Variants in NAAA observed in about 807,000 individuals in gnomAD.
The protein encoded by NAAA is N-acylethanolamine acid amidase, also known as N-acylethanolamine-hydrolyzing acid amidase.
Under a neutral mutation model 44.8 loss-of-function variants are expected in NAAA, and 39 were observed. That is an observed-to-expected ratio of 0.87 (90% confidence interval 0.67 to 1.14). The LOEUF (loss-of-function observed/expected upper bound fraction) is 1.14, where lower values mean the gene tolerates loss of function less well. Among genes scored for constraint, NAAA ranks in the 50% most tolerant of loss-of-function variants. The pLI, the probability that NAAA is intolerant of heterozygous loss-of-function variation, is 0.00. For synonymous variants in NAAA, 178 were observed against 191.3 expected (o/e 0.93, Z 0.58); for missense variants, 460 against 467.8 (o/e 0.98, Z 0.15).
At chr4:75,915,907 A>G (rs1244613404) in intron 9 of NAAA, among the ~76,000 whole-genome samples, 1 of 152,228 alleles carries the variant, frequency 6.6e-6, no homozygotes, top group African/African-American at 2.4e-5. Context: ...GTTGAGGTGC[A>G]TGTGCAAAAT....
chr4:75,927,998 A>G (rs1209535776), intron 4 of NAAA, among the ~76,000 whole-genome samples: 1 of 152,182 alleles, frequency 6.6e-6, no homozygotes, highest in Non-Finnish European at 1.5e-5. Context: ...ATCAATAACA[A>G]AATTAATTTT....
At chr4:75,910,849 T>C (rs1269934055), downstream of NAAA, among the ~76,000 whole-genome samples, 3 of 152,206 alleles carry the variant, frequency 2.0e-5, no homozygotes, top group Non-Finnish European at 2.9e-5. Flanking sequence ...ATAGGCTTCA[T>C]GTGAGCAATA....
Position 75,940,879 on chromosome 4 carries a change from C to T in NAAA, c.71G>A (p.Gly24Glu). ...SLLLLLLAGA[G>E]LSAASPPAAP... ...TGCTGGGGGCGAGGCGGCTGACAGC[C>T]CGGCCCCGGCCAGCAGCAGCAGCAG... The change falls in exon 1 of 11, where the codon GGG becomes GAG. Residue 24 changes from glycine (G) to glutamate (E), a missense_variant. Transcript: ENST00000286733. 2 of 1,560,690 alleles carry T rather than the reference C, an allele frequency of 1.3e-6. No homozygotes were observed. The highest frequency in any genetic ancestry group is 1.7e-6 in the Non-Finnish European group (2 of 1,163,672).
chr4:75,925,226 A>G (rs910751609), intron 5 of NAAA, among the ~76,000 whole-genome samples: 6 of 152,112 alleles, frequency 3.9e-5, no homozygotes, highest in Non-Finnish European at 8.8e-5. Context: ...AAGTAGAGAC[A>G]GGGTTTCACT....
chr4:75,911,436 A>G (rs77361062), downstream of NAAA: 27,845 of 468,804 alleles, frequency 0.059, 1,711 homozygotes, highest in African/African-American at 0.23. Context: ...AGGAGCATGG[A>G]TGTTATTACT....
chr4:75,938,579 G>A (rs1279510332), intron 2 of NAAA, among the ~76,000 whole-genome samples: 1 of 152,176 alleles, frequency 6.6e-6, no homozygotes. Flanking sequence ...ACTCTGCCTA[G>A]GTGTTCTGGG....
At position 75,940,807 on chromosome 4, in the gene NAAA, C is replaced by T; in HGVS notation, c.143G>A (p.Trp48Ter). The change falls in exon 1 of 11, where the codon TGG (tryptophan) becomes TAG (stop). Residue 48 changes from tryptophan (W) to a stop codon, truncating the protein, a stop_gained. Coordinates refer to ENST00000286733, the MANE Select transcript of NAAA (RefSeq NM_014435.4). LOFTEE classifies it high-confidence loss of function. ...VSLDSVPELR[W>*]LPVLRHYDLD... ...GTCGTAGTGCCGCAGCACGGGCAGC[C>T]AGCGCAGCTCGGGGACCGAGTCCAG... 1 of 1,598,758 alleles carries T rather than the reference C, an allele frequency of 6.3e-7. No homozygotes were observed.
intron 3 of NAAA, among the ~76,000 whole-genome samples, chr4:75,934,617 G>A (rs1286024678): frequency 6.6e-6 from 1 of 151,742 alleles, no homozygotes; most frequent in Non-Finnish European, 1.5e-5. Flanking sequence ...GTGAGCCACC[G>A]CGCCCAGCCA....
chr4:75,922,655 C>T (rs1726281764), intron 5 of NAAA, among the ~76,000 whole-genome samples: 1 of 152,204 alleles, frequency 6.6e-6, no homozygotes, highest in African/African-American at 2.4e-5. Flanking sequence ...TTTGGGTCTT[C>T]ATTCTGAAGA....
At chr4:75,937,023 G>GT (rs1482009218) in intron 2 of NAAA, among the ~76,000 whole-genome samples, 4 of 152,200 alleles carry the variant, frequency 2.6e-5, no homozygotes, top group East Asian at 3.9e-4. Context: ...GGTTAGCTTT[G>GT]TTTTTTTACT....
chr4:75,929,405 G>A (rs115387714), intron 4 of NAAA, among the ~76,000 whole-genome samples: 1,948 of 151,756 alleles, frequency 0.013, 30 homozygotes, highest in African/African-American at 0.043. Flanking sequence ...AGCCTCCCAC[G>A]TAGCTGGGAC....
chr4:75,919,735 C>T (rs989879973), intron 8 of NAAA, 174 bp downstream of exon 8: 5 of 653,204 alleles, frequency 7.7e-6, no homozygotes, highest in Non-Finnish European at 1.3e-5. Context: ...GCCTAGGCCT[C>T]CCAAAGTGCT....
intron 4 of NAAA, among the ~76,000 whole-genome samples, chr4:75,927,636 C>A (rs1560510518): frequency 1.5e-4 from 1 of 6,854 alleles, no homozygotes; most frequent in East Asian, 1.8e-3. Flanking sequence ...TTTTAATGCC[C>A]CCCCCCCCCC....
intron 4 of NAAA, among the ~76,000 whole-genome samples, chr4:75,929,996 T>G (rs1161368784): frequency 6.6e-6 from 1 of 151,920 alleles, no homozygotes; most frequent in Non-Finnish European, 1.5e-5. Context: ...AGCTGAGGCA[T>G]GAGAATCGGC....
intron 4 of NAAA, among the ~76,000 whole-genome samples, chr4:75,929,286 T>C (rs1182056561): frequency 6.6e-6 from 1 of 152,132 alleles, no homozygotes; most frequent in Non-Finnish European, 1.5e-5. Context: ...CTTTATCCTT[T>C]CCTAGGGTGG....
At chr4:75,930,480 G>A in intron 4 of NAAA, 1 of 518,486 alleles carries the variant, frequency 1.9e-6, no homozygotes, top group Non-Finnish European at 3.8e-6. Flanking sequence ...TGTTGTGAGG[G>A]TCTAAGAAGA....
At chr4:75,918,914 G>T in intron 8 of NAAA, 125 bp from the exon 9 acceptor site, 1 of 844,002 alleles carries the variant, frequency 1.2e-6, no homozygotes, top group Non-Finnish European at 1.9e-6. Context: ...AAGCCGACGT[G>T]GGAGGATTAC....
chr4:75,926,760 T>C (rs1402351900), intron 4 of NAAA, among the ~76,000 whole-genome samples: 1 of 152,086 alleles, frequency 6.6e-6, no homozygotes, highest in Non-Finnish European at 1.5e-5. Flanking sequence ...ATCCCAACAC[T>C]TTGGGAGGCC....
intron 2 of NAAA, among the ~76,000 whole-genome samples, chr4:75,936,938 GTA>G (rs2149287238): frequency 6.6e-6 from 1 of 152,322 alleles, no homozygotes; most frequent in East Asian, 1.9e-4. Flanking sequence ...GGAAAAATAT[GTA>G]TATCCACATG....
Sources: gnomAD v4.1 joint callset for allele counts (sites outside exome capture counted in the v4.1 genomes callset) on GRCh38, gnomAD v4.1.1 for gene constraint, MANE v1.5 for transcripts, NCBI Gene and HGNC (gene_info 2026-07-23, HGNC 2026-07-21) for gene names.